The following ZNF644 variants were observed in gnomAD, a reference collection of about 807,000 sequenced individuals.
ZNF644 encodes zinc finger protein 644.
In ZNF644, 20 loss-of-function variants were observed where a neutral mutation model predicts 108.0. The ratio of observed to expected loss-of-function variants is 0.19; its 90% CI spans 0.13 to 0.27. The LOEUF is 0.27. Ranked by LOEUF, ZNF644 falls within the 10% of genes least tolerant of loss-of-function variation. The probability of loss-of-function intolerance (pLI) is 1.00; values close to 1 mark genes in which losing one functional copy is unlikely to be tolerated. For missense variants in ZNF644, 1,338 were observed against 1,548.9 expected (o/e 0.86, Z 2.29); for synonymous variants, 542 against 539.1 (o/e 1.01, Z -0.08).
intron 2 of ZNF644, among the ~76,000 whole-genome samples, chr1:90,958,213 G>A (rs1653946723): frequency 7.4e-6 from 1 of 135,656 alleles, no homozygotes; most frequent in Admixed American, 8.0e-5. Context: ...CCCAACCTGG[G>A]CGACAAAAGC....
chr1:90,994,941 C>T (rs113083255), intron 1 of ZNF644, among the ~76,000 whole-genome samples: 4 of 152,190 alleles, frequency 2.6e-5, no homozygotes, highest in African/African-American at 9.6e-5. Flanking sequence ...GCAGTCTGGG[C>T]CCAGGTAAGT....
At chr1:90,965,385 T>C (rs1055142659) in intron 2 of ZNF644, among the ~76,000 whole-genome samples, 3 of 152,160 alleles carry the variant, frequency 2.0e-5, no homozygotes, top group African/African-American at 4.8e-5. Flanking sequence ...TTCTCCTTTT[T>C]ATAAGCACAT....
In ZNF644 at chr1:90,938,699, C is replaced by T. The variant is rs41286761; in HGVS notation, c.2655G>A (p.Glu885=). The change falls in exon 3 of 6, where the codon GAG becomes GAA. Residue 885 remains glutamate (E), a synonymous_variant. Transcript: ENST00000337393. This position sits in a 1 kb window ranked among gnomAD's most constrained non-coding sequence, Gnocchi z 4.2. The part of the protein sequence containing the change: ...EDETYSDINQ[E]HVNLFPLFKS... ...TAAATAAAGGGAATAAATTTACATG[C>T]TCTTGATTAATATCACTATAGGTTT... 3 of 1,613,154 alleles carry T rather than the reference C, an allele frequency of 1.9e-6. No homozygotes were observed. The highest frequency in any genetic ancestry group is 8.5e-7 in the Non-Finnish European group (1 of 1,179,772).
At chr1:90,955,000 A>G (rs1653604444) in intron 2 of ZNF644, among the ~76,000 whole-genome samples, 1 of 152,234 alleles carries the variant, frequency 6.6e-6, no homozygotes, top group Non-Finnish European at 1.5e-5. Context: ...TAGTGACTTC[A>G]AGGTCAAAAT....
In ZNF644 at chr1:90,979,114, GA is replaced by G. The variant is rs940711056; in HGVS notation, c.44+3195del. Among the ~76,000 whole-genome samples, 3 of 150,604 alleles carry G rather than the reference GA, an allele frequency of 2.0e-5. No homozygotes were observed. The East Asian group carries it at 5.8e-4, about 29-fold the overall frequency. On this transcript the variant is annotated intron_variant, in intron 2 of 5. Coordinates refer to ENST00000337393, the MANE Select transcript of ZNF644 (RefSeq NM_201269.3). ...CCCAACTAGCCAAATTTCAAACACA[GA>G]AAAAAAAAGAACCACTAGTCAAAAT...
At chr1:90,927,209 G>C (rs1024736253) in intron 4 of ZNF644, among the ~76,000 whole-genome samples, 5 of 152,068 alleles carry the variant, frequency 3.3e-5, no homozygotes, top group Admixed American at 2.0e-4. Flanking sequence ...AGTATTTCAC[G>C]CATACCTCTC....
rs142642508 is a variant in ZNF644, at chr1:91,014,130, C to T, written c.-18+7860G>A. ...CATTTTGAAATACATATAAATTATG[C>T]AATGGTTAAATCTAGCTAATTAACA... On this transcript the variant is annotated intron_variant, in intron 1 of 5. Coordinates refer to ENST00000337393, the MANE Select transcript of ZNF644 (RefSeq NM_201269.3). 3.2e-3 allele frequency among the ~76,000 whole-genome samples: 484 copies of T among 152,172 alleles called. 2 individuals carry two copies. The highest frequency in any genetic ancestry group is 0.011 in the African/African-American group (449 of 41,530).
At chr1:90,985,858 G>C (rs1048728940) in intron 1 of ZNF644, among the ~76,000 whole-genome samples, 2 of 151,984 alleles carry the variant, frequency 1.3e-5, no homozygotes, top group Admixed American at 6.6e-5. Context: ...TCTATTTTTA[G>C]TTTTCTGAGA....
chr1:90,968,110 T>C (rs539753397), intron 2 of ZNF644, among the ~76,000 whole-genome samples: 1 of 149,006 alleles, frequency 6.7e-6, no homozygotes, highest in Non-Finnish European at 1.5e-5. Context: ...TATTCAATCA[T>C]GCAATCAATT....
chr1:90,954,882 T>C (rs958572495), intron 2 of ZNF644, among the ~76,000 whole-genome samples: 24 of 152,252 alleles, frequency 1.6e-4, no homozygotes, highest in African/African-American at 5.5e-4. Context: ...AATGTTTAAG[T>C]TGCATCTAGA....
At chr1:90,931,565 A>T (rs1165431502) in intron 4 of ZNF644, among the ~76,000 whole-genome samples, 1 of 152,140 alleles carries the variant, frequency 6.6e-6, no homozygotes, top group Admixed American at 6.5e-5. Flanking sequence ...GACACAGAAA[A>T]ATTATTAAAC....
chr1:90,999,336 T>C (rs562085702), intron 1 of ZNF644, among the ~76,000 whole-genome samples: 1 of 152,256 alleles, frequency 6.6e-6, no homozygotes, highest in South Asian at 2.1e-4. Context: ...AGACTAACAG[T>C]GGATCTCTCG....
At chr1:91,019,855 G>A (rs1367882547) in intron 1 of ZNF644, among the ~76,000 whole-genome samples, 11 of 152,188 alleles carry the variant, frequency 7.2e-5, no homozygotes, top group Admixed American at 3.9e-4. Context: ...GTGAGCCACC[G>A]TGCCAGGCCA....
chr1:90,994,093 C>T (rs1657893497), intron 1 of ZNF644, among the ~76,000 whole-genome samples: 1 of 151,842 alleles, frequency 6.6e-6, no homozygotes, highest in South Asian at 2.1e-4. Context: ...ATGTAGAATG[C>T]TTCTTAGTAC....
intron 1 of ZNF644, among the ~76,000 whole-genome samples, chr1:91,005,115 A>C (rs1215943111): frequency 6.6e-6 from 1 of 152,114 alleles, no homozygotes; most frequent in South Asian, 2.1e-4. Context: ...AATAGATACA[A>C]ATAAACTGAA....
chr1:90,962,695 T>G (rs1214189257), intron 2 of ZNF644, among the ~76,000 whole-genome samples: 2 of 152,080 alleles, frequency 1.3e-5, no homozygotes, highest in African/African-American at 4.8e-5. Flanking sequence ...GTAGGATATT[T>G]AGCAGCACCA....
rs181721713 is a variant in ZNF644, at chr1:90,916,511, T to C, written c.*287A>G. ...CAATAAGTCTGTCTATAAGTATCCA[T>C]GTGCAACAGTTTATTAATGGCTGCT... On this transcript the variant is annotated 3_prime_UTR_variant, in exon 6 of 6. Transcript: ENST00000337393. 2.4e-6 allele frequency: 1 copy of C among 413,358 alleles called. No individual in the cohort carries two copies. The highest frequency in any genetic ancestry group is 5.1e-5 in the East Asian group (1 of 19,644). 25.6% of individuals were successfully genotyped at this position (413,358 alleles called of 1,614,324 possible). A position where few individuals can be genotyped will look rare whatever the true frequency, so the allele number is the denominator to read the frequency against.
chr1:90,985,738 T>A (rs1400586853), intron 1 of ZNF644, among the ~76,000 whole-genome samples: 1 of 152,200 alleles, frequency 6.6e-6, no homozygotes. Flanking sequence ...ATTTTAGCTA[T>A]TGTGAATAAT....
Position 90,938,596 on chromosome 1 carries a change from A to G in ZNF644, c.2758T>C (p.Tyr920His). ...YDQNDGFYFE[Y>H]YEDTGSNNFL... The stretch of plus-strand genomic sequence containing the variant: ...TTGTTACTTCCAGTATCTTCATAGT[A>G]TTCAAAATAAAAGCCATCGTTTTGG... Residue 920 changes from tyrosine (Y) to histidine (H), a missense_variant, in exon 3 of 6, where the codon TAC becomes CAC. Tyr to His is a moderately conservative substitution (Grantham distance 83, BLOSUM62 2). Transcript: ENST00000337393. This position sits in a 1 kb window ranked among gnomAD's most constrained non-coding sequence, Gnocchi z 4.2. 6.2e-7 allele frequency: 1 copy of G among 1,612,666 alleles called. No individual in the cohort carries two copies. Among genetic ancestry groups the G allele is most frequent in the East Asian group, 2.2e-5 (1 of 44,876 alleles).
Sources: allele counts gnomAD v4.1 joint callset (sites outside exome capture counted in the v4.1 genomes callset), GRCh38; gene constraint gnomAD v4.1.1; non-coding constraint Gnocchi (gnomAD v3.1); transcripts MANE v1.5; gene names NCBI Gene and HGNC (gene_info 2026-07-23, HGNC 2026-07-21).